The following MRPL42 variants were observed in gnomAD, a reference collection of about 807,000 sequenced individuals.
MRPL42 encodes the protein mitochondrial ribosomal protein L42.
A neutral mutation model predicts 17.9 loss-of-function variants in MRPL42; 17 were observed. The observed-to-expected ratio is 0.95, with a 90% confidence interval of 0.65 to 1.42. MRPL42 has a LOEUF of 1.42. Ranked by LOEUF, MRPL42 falls within the 40% of genes most tolerant of loss-of-function variation. The probability of loss-of-function intolerance (pLI) is 0.00; values close to 1 mark genes in which losing one functional copy is unlikely to be tolerated. For missense variants in MRPL42, 177 were observed against 175.2 expected (o/e 1.01, Z -0.06); for synonymous variants, 59 against 54.4 (o/e 1.08, Z -0.37).
chr12:93,491,971 A>G (rs544441759), intron 5 of MRPL42, among the ~76,000 whole-genome samples: 5 of 152,324 alleles, frequency 3.3e-5, no homozygotes, highest in Admixed American at 3.3e-4. Flanking sequence ...ATGTCTGTAT[A>G]GTATTCCATG....
chr12:93,469,450 C>T (rs987230584), intron 2 of MRPL42, 95 bp downstream of exon 2: 3 of 859,758 alleles, frequency 3.5e-6, no homozygotes, highest in Non-Finnish European at 5.3e-6. Flanking sequence ...CTGTAATTTG[C>T]AGGAGTGTTT....
intron 2 of MRPL42, among the ~76,000 whole-genome samples, chr12:93,475,191 G>A (rs1303559822): frequency 2.0e-5 from 3 of 151,644 alleles, no homozygotes; most frequent in African/African-American, 7.3e-5. Context: ...CTTGTCTCAC[G>A]GCAACTTCTG....
At chr12:93,490,682 C>G (rs1486465874) in intron 5 of MRPL42, among the ~76,000 whole-genome samples, 1 of 152,046 alleles carries the variant, frequency 6.6e-6, no homozygotes, top group Non-Finnish European at 1.5e-5. Flanking sequence ...TTGATTCATT[C>G]ATTCATTCTC....
At chr12:93,472,384 C>G (rs1324286072) in intron 2 of MRPL42, among the ~76,000 whole-genome samples, 1 of 152,048 alleles carries the variant, frequency 6.6e-6, no homozygotes, top group Non-Finnish European at 1.5e-5. Context: ...TGAGACCAGG[C>G]TGGGCAACAT....
Position 93,503,539 on chromosome 12 carries a change from C to T in MRPL42, c.*2318C>T, listed in dbSNP as rs1953627751. The T allele has an allele frequency of 6.6e-6, 1 of 152,044 alleles. No individual in the cohort carries two copies. The highest frequency in any genetic ancestry group is 1.5e-5 in the Non-Finnish European group (1 of 68,018). 9.4% of individuals were successfully genotyped at this position (152,044 alleles called of 1,614,324 possible). ...GAGACTACACATGTGTGCTACCATG[C>T]CTGGCTAATTGTTTTAATTTTTTTT... is the stretch of plus-strand genomic sequence containing the variant. On this transcript the variant is annotated 3_prime_UTR_variant, in exon 6 of 6. Coordinates refer to ENST00000549982, the MANE Select transcript of MRPL42 (RefSeq NM_014050.4).
intron 2 of MRPL42, among the ~76,000 whole-genome samples, chr12:93,475,431 A>G (rs147320370): frequency 5.5e-4 from 84 of 152,030 alleles, no homozygotes; most frequent in African/African-American, 1.9e-3. Context: ...TTGACTTTTA[A>G]GGATGAGGGG....
At position 93,487,500 on chromosome 12, in the gene MRPL42, A is replaced by G. The variant is rs894743275; in HGVS notation, c.223A>G (p.Ile75Val). The G allele has an allele frequency of 5.0e-6, 8 of 1,608,418 alleles. No homozygotes were observed. The highest frequency in any genetic ancestry group is 6.8e-6 in the Non-Finnish European group (8 of 1,178,366). Residue 75 changes from isoleucine (I) to valine (V), a missense_variant, in exon 5 of 6, where the codon ATC becomes GTC. Ile to Val is a conservative substitution (Grantham distance 29). Coordinates refer to ENST00000549982, the MANE Select transcript of MRPL42 (RefSeq NM_014050.4). ...TTTGTTACTGATTATTTTGTAGCCTATCCCTCGGCCAGATCCTGTGCATAA... is the reference window on the plus strand; with the variant it reads ...TTTGTTACTGATTATTTTGTAGCCTGTCCCTCGGCCAGATCCTGTGCATAA... Reference protein sequence around the residue: ...VDIPYEHTKPIPRPDPVHNNE... With the variant: ...VDIPYEHTKPVPRPDPVHNNE...
chr12:93,503,767 A>G lies in MRPL42; in HGVS notation c.*2546A>G, dbSNP rs1953631694. On this transcript the variant is annotated 3_prime_UTR_variant, in exon 6 of 6. Transcript: ENST00000549982. ...TTTCAAAAATAAAAATAGAGCTCATAATATATGCTGTTTTGTAATGCTTTT... is the reference window on the plus strand; with the variant it reads ...TTTCAAAAATAAAAATAGAGCTCATGATATATGCTGTTTTGTAATGCTTTT... 1 of 151,830 alleles carries G rather than the reference A, an allele frequency of 6.6e-6. No homozygotes were observed. The allele number at this position is 151,830 out of a possible 1,614,324, so 9.4% of individuals were successfully genotyped here.
chr12:93,504,473 A>G lies in MRPL42; in HGVS notation c.*3252A>G, dbSNP rs7971966. The G allele has an allele frequency of 0.67, 102,267 of 152,382 alleles. 34,564 individuals are homozygous for G. The highest frequency in any genetic ancestry group is 0.75 in the Middle Eastern group (445 of 594). 9.4% of individuals were successfully genotyped at this position (152,382 alleles called of 1,614,324 possible). On this transcript the variant is annotated 3_prime_UTR_variant, in exon 6 of 6. Transcript: ENST00000549982. ...CTGCATACTCCTAACATCAGTATAT[A>G]GAAATATTTTCTCTTTAGTTCTATT...
chr12:93,493,945 A>C (rs886089702), intron 5 of MRPL42, among the ~76,000 whole-genome samples: 1 of 67,022 alleles, frequency 1.5e-5, no homozygotes, highest in African/African-American at 6.2e-5. Flanking sequence ...AAAAACCTGA[A>C]GGAAGTAAGA....
chr12:93,475,700 T>A (rs1880133128), intron 2 of MRPL42, among the ~76,000 whole-genome samples: 1 of 152,104 alleles, frequency 6.6e-6, no homozygotes, highest in Admixed American at 6.6e-5. Context: ...AAAAGCAGTT[T>A]ATAGCTGAGC....
In MRPL42 at chr12:93,484,979, CATATATATATATATATATATATAT is replaced by C. The variant is rs4020795; in HGVS notation, c.220-2492_220-2469del. On this transcript the variant is annotated intron_variant, in intron 4 of 5. Coordinates refer to ENST00000549982, the MANE Select transcript of MRPL42 (RefSeq NM_014050.4). Reference sequence around the variant, plus strand: ...TTTAAAAAACACACACACACACACACATATATATATATATATATATATATATATATATATATATATATATATATA... The same window carrying C: ...TTTAAAAAACACACACACACACACACATATATATATATATATATATATATA... 4.5e-3 allele frequency among the ~76,000 whole-genome samples: 101 copies of C among 22,472 alleles called. 8 individuals carry two copies. The highest frequency in any genetic ancestry group is 6.6e-3 in the South Asian group (3 of 456). The allele number at this position is 22,472 out of a possible 152,430, so 14.7% of individuals were successfully genotyped here.
intron 2 of MRPL42, chr12:93,470,559 G>A (rs755657388): frequency 7.4e-5 from 95 of 1,285,294 alleles, no homozygotes; most frequent in Middle Eastern, 2.2e-4. Context: ...AACTGAACCC[G>A]TCACCCAAAT....
In MRPL42 at chr12:93,512,344, C is replaced by G. The variant is rs1284395278; in HGVS notation, c.*11123C>G. ...GCACACACCTGTATTCCTTGCTACTCGGGAGGCTAAGGCAGGAGAATCGCT... is the reference window on the plus strand; with the variant it reads ...GCACACACCTGTATTCCTTGCTACTGGGGAGGCTAAGGCAGGAGAATCGCT... On this transcript the variant is annotated 3_prime_UTR_variant, in exon 6 of 6. Transcript: ENST00000549982. The G allele has an allele frequency of 6.6e-6, 1 of 152,178 alleles. No individual in the cohort carries two copies. Among genetic ancestry groups the G allele is most frequent in the Non-Finnish European group, 1.5e-5 (1 of 68,098 alleles). The allele number at this position is 152,178 out of a possible 1,614,324, so 9.4% of individuals were successfully genotyped here. A position where few individuals can be genotyped will look rare whatever the true frequency, so the allele number is the denominator to read the frequency against.
At chr12:93,470,210 GTA>G (rs934504248) in intron 2 of MRPL42, among the ~76,000 whole-genome samples, 1 of 152,096 alleles carries the variant, frequency 6.6e-6, no homozygotes, top group Admixed American at 6.6e-5. Flanking sequence ...CTAAAGAACT[GTA>G]TATAGTTAGT....
Position 93,469,365 on chromosome 12 carries a change from AT to A in MRPL42, c.70+18del, listed in dbSNP as rs771593088. On this transcript the variant is annotated intron_variant, in intron 2 of 5. Transcript: ENST00000549982. ...TTATTTCCAGTCCAAAGTAAGTGAA[AT>A]TTTTTTTAATGTTTAAAAACTTTTA... is the stretch of plus-strand genomic sequence containing the variant. 1.7e-5 allele frequency: 27 copies of A among 1,577,574 alleles called. No homozygotes were observed. The highest frequency in any genetic ancestry group is 5.8e-5 in the South Asian group (5 of 85,474).
intron 2 of MRPL42, among the ~76,000 whole-genome samples, chr12:93,473,284 G>T (rs953558739): frequency 3.3e-5 from 5 of 151,862 alleles, no homozygotes; most frequent in African/African-American, 1.2e-4. Flanking sequence ...TTTTCAAGGT[G>T]AAGTCTCACT....
chr12:93,477,635 C>T (rs1024753738), intron 3 of MRPL42, among the ~76,000 whole-genome samples: 5 of 152,168 alleles, frequency 3.3e-5, no homozygotes, highest in East Asian at 1.9e-4. Context: ...CTTGTTCTCT[C>T]GCTCAGGCTG....
chr12:93,496,506 T>TA (rs1953507722), intron 5 of MRPL42, among the ~76,000 whole-genome samples: 1 of 151,664 alleles, frequency 6.6e-6, no homozygotes, highest in Non-Finnish European at 1.5e-5. Context: ...AAAGTGAATA[T>TA]AAAAAAGTAA....
Sources: allele counts gnomAD v4.1 joint callset (sites outside exome capture counted in the v4.1 genomes callset), GRCh38; gene constraint gnomAD v4.1.1; transcripts MANE v1.5; gene names NCBI Gene and HGNC (gene_info 2026-07-23, HGNC 2026-07-21).